The following CSMD1 variants were observed in gnomAD, a reference collection of about 807,000 sequenced individuals.
CSMD1 encodes the protein CUB and sushi domain-containing protein 1.
A neutral mutation model predicts 417.5 loss-of-function variants in CSMD1; 213 were observed. That is an observed-to-expected ratio of 0.51 (90% CI 0.46 to 0.57). CSMD1 has a LOEUF of 0.57. Among genes scored for constraint, CSMD1 ranks in the 20% least tolerant of loss-of-function variants. The pLI is 0.00. For synonymous variants in CSMD1, 2,862 were observed against 1,736.8 expected, an observed-to-expected ratio of 1.65 and a Z score of -16.11; for missense variants, 6,923 against 4,529.7, an observed-to-expected ratio of 1.53 and a Z score of -15.17.
At chr8:4,631,401 T>G (rs538741707) in intron 2 of CSMD1, among the ~76,000 whole-genome samples, 99 of 151,284 alleles carry the variant, frequency 6.5e-4, no homozygotes, top group Middle Eastern at 3.4e-3. Flanking sequence ...TTGGTTTGTT[T>G]TTTTTTTTTT....
intron 12 of CSMD1, among the ~76,000 whole-genome samples, chr8:3,416,156 CCGGG>C (rs1446742561): frequency 9.5e-6 from 1 of 104,994 alleles, no homozygotes; most frequent in African/African-American, 3.5e-5. Context: ...AAAAAATTAG[CCGGG>C]CGTGTTGGGG....
chr8:3,786,162 T>C (rs1262644582), intron 5 of CSMD1, among the ~76,000 whole-genome samples: 3 of 152,118 alleles, frequency 2.0e-5, no homozygotes, highest in African/African-American at 4.8e-5. Flanking sequence ...GAGGAGCACC[T>C]GGTTTGGGGC....
intron 12 of CSMD1, among the ~76,000 whole-genome samples, chr8:3,412,173 C>CAT (rs1465354391): frequency 7.9e-5 from 11 of 138,992 alleles, no homozygotes; most frequent in Non-Finnish European, 3.1e-5. Context: ...TACATATATA[C>CAT]ATATATATAC....
At chr8:3,770,554 G>A (rs1329555384) in intron 5 of CSMD1, among the ~76,000 whole-genome samples, 1 of 151,992 alleles carries the variant, frequency 6.6e-6, no homozygotes, top group Non-Finnish European at 1.5e-5. Context: ...AAAAAGTAAA[G>A]AAAGAACATA....
At chr8:3,712,057 G>A (rs553795193) in intron 6 of CSMD1, among the ~76,000 whole-genome samples, 18 of 152,252 alleles carry the variant, frequency 1.2e-4, no homozygotes, top group African/African-American at 2.9e-4. Context: ...GTAAAGCTAC[G>A]TCTCCACTAG....
At chr8:3,950,333 C>G (rs149796341) in intron 5 of CSMD1, among the ~76,000 whole-genome samples, 15 of 152,192 alleles carry the variant, frequency 9.9e-5, no homozygotes, top group Non-Finnish European at 1.3e-4. Flanking sequence ...GAAAAGCCAT[C>G]TGACTCTAGC....
chr8:4,546,449 C>T (rs145676397), intron 2 of CSMD1, among the ~76,000 whole-genome samples: 2 of 152,254 alleles, frequency 1.3e-5, no homozygotes, highest in African/African-American at 2.4e-5. Context: ...CCACCCTTAC[C>T]ATTCCACGGG....
intron 5 of CSMD1, among the ~76,000 whole-genome samples, chr8:3,774,248 T>A (rs924010689): frequency 6.6e-6 from 1 of 152,188 alleles, no homozygotes; most frequent in Non-Finnish European, 1.5e-5. Context: ...CCACTTGCTC[T>A]GTAAATTCTT....
chr8:3,807,159 C>T (rs748362824), intron 5 of CSMD1, among the ~76,000 whole-genome samples: 2 of 152,110 alleles, frequency 1.3e-5, no homozygotes, highest in Admixed American at 6.5e-5. Context: ...TGATCCACAG[C>T]CTTTAATTTT....
intron 3 of CSMD1, among the ~76,000 whole-genome samples, chr8:4,325,931 C>CA (rs1195951516): frequency 6.6e-6 from 1 of 152,144 alleles, no homozygotes; most frequent in Non-Finnish European, 1.5e-5. Context: ...CTGGCTGGGG[C>CA]ACCTTTTTCT....
rs146059733 is a variant in CSMD1, at chr8:4,827,825, G to A, written c.85+166507C>T. On this transcript the variant is annotated intron_variant, in intron 1 of 69. Transcript: ENST00000635120. ...TGGAAAATTTTTACTGTAATCTACA[G>A]GTACAGCCTGTTTAAATTCTTAGTT... Among the ~76,000 whole-genome samples, 359 of 152,264 alleles carry A rather than the reference G, an allele frequency of 2.4e-3. 1 individual carries two copies. The highest frequency in any genetic ancestry group is 8.3e-3 in the African/African-American group (344 of 41,556).
intron 1 of CSMD1, among the ~76,000 whole-genome samples, chr8:4,846,241 T>C (rs1260057291): frequency 6.6e-6 from 1 of 152,200 alleles, no homozygotes; most frequent in Non-Finnish European, 1.5e-5. Flanking sequence ...AAAATATAGC[T>C]CTTACTTTCA....
intron 11 of CSMD1, among the ~76,000 whole-genome samples, chr8:3,476,121 C>A (rs1254437639): frequency 2.0e-5 from 3 of 152,134 alleles, no homozygotes; most frequent in African/African-American, 7.2e-5. Flanking sequence ...GGTGGGAAGA[C>A]TATTTGAGTC....
intron 1 of CSMD1, among the ~76,000 whole-genome samples, chr8:4,823,723 A>G (rs569176344): frequency 7.3e-4 from 111 of 152,184 alleles, no homozygotes; most frequent in African/African-American, 2.5e-3. Flanking sequence ...TACAGATACT[A>G]CAGAAGTGAA....
intron 5 of CSMD1, among the ~76,000 whole-genome samples, chr8:3,817,537 C>T (rs930792085): frequency 6.6e-6 from 1 of 151,946 alleles, no homozygotes; most frequent in African/African-American, 2.4e-5. Context: ...CCTCAGCCTC[C>T]CAAAGCGCAG....
At chr8:4,253,755 T>C (rs1042605150) in intron 3 of CSMD1, among the ~76,000 whole-genome samples, 2 of 148,650 alleles carry the variant, frequency 1.3e-5, no homozygotes, top group Non-Finnish European at 3.0e-5. Flanking sequence ...AATTATATAC[T>C]TGAAAAAAAA....
At chr8:3,113,954 A>G (rs1816695249) in intron 42 of CSMD1, among the ~76,000 whole-genome samples, 1 of 152,208 alleles carries the variant, frequency 6.6e-6, no homozygotes, top group South Asian at 2.1e-4. Context: ...GTTATGGCTC[A>G]TAGCTGTAAT....
rs900289966 is a variant in CSMD1, at chr8:4,536,339, C to T, written c.302+101003G>A. On this transcript the variant is annotated intron_variant, in intron 2 of 69. Transcript: ENST00000635120. ...TTCAGCACACACAACTTCCCATTTC[C>T]TGTGTGTAATATTTATTTGCTTGTA... is the stretch of plus-strand genomic sequence containing the variant. Among the ~76,000 whole-genome samples, 77 of 152,174 alleles carry T rather than the reference C, an allele frequency of 5.1e-4. 1 individual carries two copies. Among genetic ancestry groups the T allele is most frequent in the African/African-American group, 1.8e-3 (73 of 41,510 alleles).
chr8:3,605,246 TCCCACAGTG>T (rs1256336214), intron 8 of CSMD1, among the ~76,000 whole-genome samples: 3 of 152,200 alleles, frequency 2.0e-5, no homozygotes, highest in African/African-American at 7.2e-5. Context: ...CGCCTCGGCC[TCCCACAGTG>T]CTGGGTTTAC....
Sources: gnomAD v4.1 joint callset for allele counts (sites outside exome capture counted in the v4.1 genomes callset) on GRCh38, gnomAD v4.1.1 for gene constraint, MANE v1.5 for transcripts, NCBI Gene and HGNC (gene_info 2026-07-23, HGNC 2026-07-21) for gene names.